LTBP2: variants seen among roughly 807,000 people sequenced by gnomAD.
The protein encoded by LTBP2 is latent transforming growth factor beta binding protein 2.
A neutral mutation model predicts 210.6 loss-of-function variants in LTBP2; 103 were observed. That is an observed-to-expected ratio of 0.49 (90% CI 0.42 to 0.58). The LOEUF is 0.58. LTBP2 is among the 20% of genes least tolerant of loss of function. LTBP2 has a pLI of 0.00. For missense variants in LTBP2, 2,313 were observed against 2,494.5 expected (o/e 0.93, Z 1.55); for synonymous variants, 1,007 against 1,015.0 (o/e 0.99, Z 0.15).
chr14:74,611,551 G>A lies in LTBP2; in HGVS notation c.394C>T (p.Pro132Ser), dbSNP rs781267259. The A allele has an allele frequency of 3.2e-6, 5 of 1,573,274 alleles. No homozygotes were observed. The highest frequency in any genetic ancestry group is 4.3e-6 in the Non-Finnish European group (5 of 1,166,666). The change falls in exon 1 of 36, where the codon CCA becomes TCA. Residue 132 changes from proline to serine, a missense_variant. Pro to Ser is a moderately conservative substitution (Grantham distance 74). Coordinates refer to ENST00000261978, the MANE Select transcript of LTBP2 (RefSeq NM_000428.3). ...RRSTPLGQQQ[P>S]APRTRAAPAL... The stretch of plus-strand genomic sequence containing the variant: ...GGCGCGGCCCGGGTCCGGGGTGCTG[G>A]TTGCTGCTGGCCCAGGGGAGTGCTT...
At chr14:74,579,446 C>A (rs572780146) in intron 3 of LTBP2, among the ~76,000 whole-genome samples, 2 of 152,318 alleles carry the variant, frequency 1.3e-5, no homozygotes, top group South Asian at 2.1e-4. Context: ...ACTCTCAGTG[C>A]AGTAGGTTAA....
At chr14:74,505,309 C>T in intron 28 of LTBP2, 135 bp from the exon 29 acceptor site, 2 of 928,368 alleles carry the variant, frequency 2.2e-6, no homozygotes, top group South Asian at 2.8e-5. Context: ...TGTATTACCT[C>T]ACTGAGGCTC....
At chr14:74,513,338 G>A (rs766714662) in intron 18 of LTBP2, among the ~76,000 whole-genome samples, 2 of 152,248 alleles carry the variant, frequency 1.3e-5, no homozygotes, top group Non-Finnish European at 2.9e-5. Flanking sequence ...CTGTGAGTGC[G>A]TATGATACGG....
intron 25 of LTBP2, 53 bp downstream of exon 25, chr14:74,507,920 T>C (rs973312436): frequency 6.2e-7 from 1 of 1,609,834 alleles, no homozygotes. Flanking sequence ...CCAGGCAGTG[T>C]AGAGATGGGC....
intron 8 of LTBP2, among the ~76,000 whole-genome samples, chr14:74,536,960 C>T (rs2087429064): frequency 6.6e-6 from 1 of 152,112 alleles, no homozygotes; most frequent in Non-Finnish European, 1.5e-5. Context: ...ATAGTTATTA[C>T]ATATAGTATC....
At chr14:74,511,195 A>G (rs754695385) in intron 19 of LTBP2, 50 bp downstream of exon 19, 2 of 1,612,080 alleles carry the variant, frequency 1.2e-6, no homozygotes, top group Non-Finnish European at 1.7e-6. Flanking sequence ...GCTCAACCAG[A>G]GGTCCCAAGG....
rs531012848 is a variant in LTBP2, at chr14:74,612,072, T to C, written c.-128A>G. 1.1e-5 allele frequency: 11 copies of C among 1,046,724 alleles called. No homozygotes were observed. Among genetic ancestry groups the C allele is most frequent in the South Asian group, 2.0e-5 (1 of 50,200 alleles). 64.8% of individuals were successfully genotyped at this position (1,046,724 alleles called of 1,614,324 possible). A position where few individuals can be genotyped will look rare whatever the true frequency, so the allele number is the denominator to read the frequency against. The stretch of plus-strand genomic sequence containing the variant: ...CAGCTTCTCTGAGTCTAGGGGGCCC[T>C]GAAGCGGCCGACTGGGGGCCCGGCT... On this transcript the variant is annotated 5_prime_UTR_variant, in exon 1 of 36. Coordinates refer to ENST00000261978, the MANE Select transcript of LTBP2 (RefSeq NM_000428.3).
chr14:74,588,580 T>C (rs1391113688), intron 2 of LTBP2, among the ~76,000 whole-genome samples: 1 of 152,184 alleles, frequency 6.6e-6, no homozygotes, highest in Non-Finnish European at 1.5e-5. Flanking sequence ...GTCAGCCCCT[T>C]GAAGTGTAGT....
intron 8 of LTBP2, among the ~76,000 whole-genome samples, chr14:74,540,225 C>A (rs561162246): frequency 8.8e-4 from 134 of 152,272 alleles, no homozygotes; most frequent in African/African-American, 3.1e-3. Flanking sequence ...GTAATCCCAG[C>A]ACTTTTGGAG....
intron 2 of LTBP2, among the ~76,000 whole-genome samples, chr14:74,587,324 C>G (rs1055249539): frequency 1.3e-5 from 2 of 151,850 alleles, no homozygotes; most frequent in African/African-American, 4.8e-5. Flanking sequence ...GGCTTGCGGT[C>G]GAGTAAAGGA....
chr14:74,601,848 T>G (rs554013134), intron 2 of LTBP2, among the ~76,000 whole-genome samples: 69 of 152,284 alleles, frequency 4.5e-4, no homozygotes, highest in Admixed American at 2.4e-3. Flanking sequence ...CCTGGACTAT[T>G]AGCTGTGAAG....
chr14:74,581,887 G>A (rs1256420230), intron 3 of LTBP2, among the ~76,000 whole-genome samples: 1 of 152,086 alleles, frequency 6.6e-6, no homozygotes. Flanking sequence ...GACCAGGCAG[G>A]AGCAGCCTGC....
chr14:74,590,235 G>A (rs1343935343), intron 2 of LTBP2, among the ~76,000 whole-genome samples: 1 of 152,192 alleles, frequency 6.6e-6, no homozygotes, highest in Non-Finnish European at 1.5e-5. Context: ...AAACAGTATG[G>A]AGATTTCTCA....
chr14:74,543,825 C>T (rs1029850767), intron 8 of LTBP2, among the ~76,000 whole-genome samples: 2 of 152,204 alleles, frequency 1.3e-5, no homozygotes, highest in Non-Finnish European at 2.9e-5. Flanking sequence ...AGTGGGGCCC[C>T]CCAGTGATTA....
intron 3 of LTBP2, among the ~76,000 whole-genome samples, chr14:74,556,514 T>G (rs775909676): frequency 1.2e-4 from 19 of 152,230 alleles, no homozygotes; most frequent in Non-Finnish European, 2.4e-4. Flanking sequence ...TTAAAAAGTT[T>G]TTTGCTTGTT....
chr14:74,501,392 C>A (rs1164799426), intron 35 of LTBP2, 49 bp downstream of exon 35: 3 of 1,613,562 alleles, frequency 1.9e-6, no homozygotes, highest in Admixed American at 1.7e-5. Flanking sequence ...TCAGGCGTCT[C>A]TGTGGGCAGT....
chr14:74,606,196 G>A (rs1007069017), intron 1 of LTBP2, among the ~76,000 whole-genome samples: 15 of 152,186 alleles, frequency 9.9e-5, no homozygotes, highest in Non-Finnish European at 1.5e-4. Flanking sequence ...CATCTGGCTA[G>A]CAGTCTGGGA....
chr14:74,526,530 C>T lies in LTBP2; in HGVS notation c.2389-416G>A, dbSNP rs551372690. 8.5e-5 allele frequency among the ~76,000 whole-genome samples: 13 copies of T among 152,306 alleles called. No individual in the cohort carries two copies. In the East Asian group the frequency reaches 2.5e-3, roughly 29 times the overall value. On this transcript the variant is annotated intron_variant, in intron 13 of 35. Coordinates refer to ENST00000261978, the MANE Select transcript of LTBP2 (RefSeq NM_000428.3). ...TGGGACCACAGGTTATACCTGGTGT[C>T]CCTCAACATAGCCAGTGGACAGAAT... is the stretch of plus-strand genomic sequence containing the variant.
chr14:74,528,597 G>T lies in LTBP2; in HGVS notation c.2254C>A (p.Pro752Thr). The T allele has an allele frequency of 6.2e-7, 1 of 1,613,576 alleles. No individual in the cohort carries two copies. Among genetic ancestry groups the T allele is most frequent in the Non-Finnish European group, 8.5e-7 (1 of 1,180,052 alleles). The change falls in exon 12 of 36, where the codon CCC (proline) becomes ACC (threonine). Residue 752 changes from proline to threonine, a missense_variant. Coordinates refer to ENST00000261978, the MANE Select transcript of LTBP2 (RefSeq NM_000428.3). The stretch of plus-strand genomic sequence containing the variant: ...CTCCTCTGCCCTTGCTCCCTTGGGG[G>T]CCTTGCCAGTTCCTCCTCCTCGGCT... Reference protein sequence around the residue: ...RKAEEEELARPPREQGQRSSG... With the variant: ...RKAEEEELARTPREQGQRSSG...
Sources: gnomAD v4.1 joint callset for allele counts (sites outside exome capture counted in the v4.1 genomes callset) on GRCh38, gnomAD v4.1.1 for gene constraint, MANE v1.5 for transcripts, NCBI Gene and HGNC (gene_info 2026-07-23, HGNC 2026-07-21) for gene names.